The following PCDHGB6 variants were observed in gnomAD, a reference collection of about 807,000 sequenced individuals.
The protein encoded by PCDHGB6 is protocadherin gamma-B6.
A neutral mutation model predicts 59.1 loss-of-function variants in PCDHGB6; 51 were observed. That is an observed-to-expected ratio of 0.86 (90% CI 0.69 to 1.09). The LOEUF is 1.09. PCDHGB6 is among the 50% of genes least tolerant of loss of function. The probability of loss-of-function intolerance (pLI) is 0.00; values close to 1 mark genes in which losing one functional copy is unlikely to be tolerated. For synonymous variants in PCDHGB6, 466 were observed against 495.1 expected (o/e 0.94, Z 0.78); for missense variants, 1,148 against 1,205.1 (o/e 0.95, Z 0.70).
At chr5:141,461,689 A>G (rs2099020485) in intron 1 of PCDHGB6, among the ~76,000 whole-genome samples, 1 of 152,120 alleles carries the variant, frequency 6.6e-6, no homozygotes, top group Admixed American at 6.6e-5. Context: ...GTTTATTTTG[A>G]GACAGAGTTT....
chr5:141,478,671 A>G (rs996413401), intron 1 of PCDHGB6: 19 of 1,551,538 alleles, frequency 1.2e-5, no homozygotes, highest in Non-Finnish European at 1.7e-5. Context: ...TCACACTTTC[A>G]ACTGGCCCTT....
At chr5:141,472,855 A>C (rs1179268125) in intron 1 of PCDHGB6, among the ~76,000 whole-genome samples, 3 of 151,078 alleles carry the variant, frequency 2.0e-5, no homozygotes, top group African/African-American at 7.3e-5. Flanking sequence ...GCATGGTGGC[A>C]CATGCCTGTA....
intron 1 of PCDHGB6, chr5:141,420,367 T>C: frequency 7.3e-7 from 1 of 1,360,684 alleles, no homozygotes; most frequent in Non-Finnish European, 9.7e-7. Flanking sequence ...CTAGATAACT[T>C]CTTCATAGAG....
Position 141,432,701 on chromosome 5 carries a change from G to A in PCDHGB6, c.2418+22081G>A, listed in dbSNP as rs200101512. ...GCAGAGCCTCGTAGTGGCCGTCCAG[G>A]ACCACGGCCAGCCCCCTCTCTCCGC... On this transcript the variant is annotated intron_variant, in intron 1 of 3. Coordinates refer to ENST00000520790, the MANE Select transcript of PCDHGB6 (RefSeq NM_018926.3). This position sits in a 1 kb window ranked among gnomAD's most constrained non-coding sequence, Gnocchi z 6.0. The A allele has an allele frequency of 2.7e-5, 44 of 1,613,842 alleles. No homozygotes were observed. The Admixed American group carries it at 5.3e-4, about 20-fold the overall frequency.
At chr5:141,458,172 T>C (rs1023447659) in intron 1 of PCDHGB6, among the ~76,000 whole-genome samples, 2 of 152,216 alleles carry the variant, frequency 1.3e-5, no homozygotes, top group African/African-American at 4.8e-5. Flanking sequence ...CACAGTAGTA[T>C]ACCTTACTTG....
chr5:141,459,284 A>C (rs2098965103), intron 1 of PCDHGB6, among the ~76,000 whole-genome samples: 1 of 152,174 alleles, frequency 6.6e-6, no homozygotes, highest in African/African-American at 2.4e-5. Flanking sequence ...ATTTCATCTA[A>C]ATGGAATCCT....
chr5:141,476,046 C>T lies in PCDHGB6; in HGVS notation c.2419-18761C>T. 6.7e-7 allele frequency: 1 copy of T among 1,491,396 alleles called. No individual in the cohort carries two copies. Among genetic ancestry groups the T allele is most frequent in the Non-Finnish European group, 8.9e-7 (1 of 1,122,928 alleles). 92.4% of individuals were successfully genotyped at this position (1,491,396 alleles called of 1,614,324 possible). On this transcript the variant is annotated intron_variant, in intron 1 of 3. Coordinates refer to ENST00000520790, the MANE Select transcript of PCDHGB6 (RefSeq NM_018926.3). This position sits in a 1 kb window ranked among gnomAD's most constrained non-coding sequence, Gnocchi z 7.6. ...CGGCGCCCAGCGCCCAAGCGCTAAC[C>T]CGCTGAAAGTTTCTCAGCGAAATCT...
Position 141,486,986 on chromosome 5 carries a change from T to C in PCDHGB6, c.2419-7821T>C. Reference sequence around the variant, plus strand: ...GGACTTGGATTCAGGTTACAATGCTTGGGTTTCCTATCAGCTCCTGGAGGC... The same window carrying C: ...GGACTTGGATTCAGGTTACAATGCTCGGGTTTCCTATCAGCTCCTGGAGGC... On this transcript the variant is annotated intron_variant, in intron 1 of 3. Coordinates refer to ENST00000520790, the MANE Select transcript of PCDHGB6 (RefSeq NM_018926.3). The surrounding 1 kb of genome is among the most constrained non-coding windows in gnomAD (Gnocchi z 5.0). 6.2e-7 allele frequency: 1 copy of C among 1,614,214 alleles called. No homozygotes were observed. Among genetic ancestry groups the C allele is most frequent in the South Asian group, 1.1e-5 (1 of 91,088 alleles).
In PCDHGB6 at chr5:141,490,584, T is replaced by C; in HGVS notation, c.2419-4223T>C. The stretch of plus-strand genomic sequence containing the variant: ...TCAGGCTCAACATTTCAGATGTCAA[T>C]GACAATGCACCCCGCTTCAACCAGC... On this transcript the variant is annotated intron_variant, in intron 1 of 3. Coordinates refer to ENST00000520790, the MANE Select transcript of PCDHGB6 (RefSeq NM_018926.3). The surrounding 1 kb of genome is among the most constrained non-coding windows in gnomAD (Gnocchi z 5.4). 6.2e-7 allele frequency: 1 copy of C among 1,614,170 alleles called. No individual in the cohort carries two copies. Among genetic ancestry groups the C allele is most frequent in the South Asian group, 1.1e-5 (1 of 91,080 alleles).
At chr5:141,509,319 G>A (rs1427191152) in intron 3 of PCDHGB6, among the ~76,000 whole-genome samples, 3 of 152,216 alleles carry the variant, frequency 2.0e-5, no homozygotes, top group African/African-American at 4.8e-5. Context: ...TGGGAGAGAA[G>A]CTCTACTGCC....
chr5:141,452,165 C>T (rs917431071), intron 1 of PCDHGB6, among the ~76,000 whole-genome samples: 2 of 152,120 alleles, frequency 1.3e-5, no homozygotes, highest in African/African-American at 4.8e-5. Flanking sequence ...TATTCTATTA[C>T]TAACATTTTT....
Position 141,430,658 on chromosome 5 carries a change from G to A in PCDHGB6, c.2418+20038G>A, listed in dbSNP as rs1350572230. ...CCTGGGAGTATGTGGAAACAACGGA[G>A]GAGCTCTGACTTCCCAACTGTCCCA... On this transcript the variant is annotated intron_variant, in intron 1 of 3. Coordinates refer to ENST00000520790, the MANE Select transcript of PCDHGB6 (RefSeq NM_018926.3). The A allele has an allele frequency of 7.2e-6, 8 of 1,105,688 alleles. No individual in the cohort carries two copies. The African/African-American group carries it at 9.5e-5, about 13-fold the overall frequency. The allele number at this position is 1,105,688 out of a possible 1,614,324, so 68.5% of individuals were successfully genotyped here. A position where few individuals can be genotyped will look rare whatever the true frequency, so the allele number is the denominator to read the frequency against.
intron 1 of PCDHGB6, among the ~76,000 whole-genome samples, chr5:141,481,593 G>A (rs575017133): frequency 1.3e-5 from 2 of 152,172 alleles, no homozygotes; most frequent in African/African-American, 2.4e-5. Context: ...TGAGGCCAGC[G>A]GATCACCTGA....
chr5:141,441,547 A>G (rs1393958373), intron 1 of PCDHGB6: 1 of 182,772 alleles, frequency 5.5e-6, no homozygotes, highest in Admixed American at 6.4e-5. Context: ...CAAAGCCTCC[A>G]TAGTGTGCAA....
rs1486545769 is a variant in PCDHGB6 at position 141,431,780 on chromosome 5, A to T, written c.2418+21160A>T. On this transcript the variant is annotated intron_variant, in intron 1 of 3. Coordinates refer to ENST00000520790, the MANE Select transcript of PCDHGB6 (RefSeq NM_018926.3). This position sits in a 1 kb window ranked among gnomAD's most constrained non-coding sequence, Gnocchi z 4.8. The stretch of plus-strand genomic sequence containing the variant: ...AGTCCTGATCACTGTTCTGGACGTG[A>T]ACGACAATGCCCCAGAAGTGGTCCT... 4 of 1,614,086 alleles carry T rather than the reference A, an allele frequency of 2.5e-6. No homozygotes were observed. The highest frequency in any genetic ancestry group is 3.4e-6 in the Non-Finnish European group (4 of 1,180,028).
intron 1 of PCDHGB6, chr5:141,421,703 G>A: frequency 1.2e-6 from 2 of 1,613,946 alleles, no homozygotes; most frequent in Middle Eastern, 1.6e-4. Context: ...CCTAATGCTA[G>A]GGATCCAGAT....
At position 141,432,552 on chromosome 5, in the gene PCDHGB6, C is replaced by G. The variant is rs1181931321; in HGVS notation, c.2418+21932C>G. ...AAGGTGGTGGCGGTGGACAGAGACT[C>G]CGGCCAGAACGCCTGGCTGTCCTAC... On this transcript the variant is annotated intron_variant, in intron 1 of 3. Coordinates refer to ENST00000520790, the MANE Select transcript of PCDHGB6 (RefSeq NM_018926.3). The surrounding 1 kb of genome is among the most constrained non-coding windows in gnomAD (Gnocchi z 6.0). The G allele has an allele frequency of 6.2e-7, 1 of 1,613,970 alleles. No homozygotes were observed. The highest frequency in any genetic ancestry group is 1.1e-5 in the South Asian group (1 of 91,064).
Position 141,487,810 on chromosome 5 carries a change from C to T in PCDHGB6, c.2419-6997C>T. 7.1e-7 allele frequency: 1 copy of T among 1,417,854 alleles called. No homozygotes were observed. 87.8% of individuals were successfully genotyped at this position (1,417,854 alleles called of 1,614,324 possible). ...ATTAACCAGAGTTGTCACAGTTTAG[C>T]ATTGGGGGCGGGTCATGCCTATATC... is the stretch of plus-strand genomic sequence containing the variant. On this transcript the variant is annotated intron_variant, in intron 1 of 3. Coordinates refer to ENST00000520790, the MANE Select transcript of PCDHGB6 (RefSeq NM_018926.3). This position sits in a 1 kb window ranked among gnomAD's most constrained non-coding sequence, Gnocchi z 5.0.
At chr5:141,422,013 G>A (rs755656791) in intron 1 of PCDHGB6, 1 of 1,610,536 alleles carries the variant, frequency 6.2e-7, no homozygotes. Context: ...GAACTCGGGT[G>A]CTGATGGTTA....
Sources: allele counts gnomAD v4.1 joint callset (sites outside exome capture counted in the v4.1 genomes callset), GRCh38; gene constraint gnomAD v4.1.1; non-coding constraint Gnocchi (gnomAD v3.1); transcripts MANE v1.5; gene names NCBI Gene and HGNC (gene_info 2026-07-23, HGNC 2026-07-21).